The following CCDC12 variants were observed in gnomAD, a reference collection of about 807,000 sequenced individuals.
The protein encoded by CCDC12 is coiled-coil domain-containing protein 12.
A neutral mutation model predicts 25.7 loss-of-function variants in CCDC12; 28 were observed. The observed-to-expected ratio is 1.09, with a 90% confidence interval of 0.81 to 1.50. The LOEUF (loss-of-function observed/expected upper bound fraction) is 1.50, where lower values mean the gene tolerates loss of function less well. Ranked by LOEUF, CCDC12 falls within the 40% of genes most tolerant of loss-of-function variation. The probability of loss-of-function intolerance (pLI) is 0.00; values close to 1 mark genes in which losing one functional copy is unlikely to be tolerated. For synonymous variants in CCDC12, 75 were observed against 87.7 expected, an observed-to-expected ratio of 0.86 and a Z score of 0.81; for missense variants, 198 against 210.0, an observed-to-expected ratio of 0.94 and a Z score of 0.35.
intron 1 of CCDC12, among the ~76,000 whole-genome samples, chr3:46,953,147 A>G (rs1054495391): frequency 2.0e-5 from 3 of 152,100 alleles, no homozygotes; most frequent in South Asian, 4.2e-4. Flanking sequence ...AAGACATCAC[A>G]AGGAAATAAA....
intron 1 of CCDC12, 169 bp downstream of exon 1, chr3:46,976,468 C>A: frequency 2.8e-6 from 4 of 1,427,616 alleles, no homozygotes; most frequent in South Asian, 1.5e-5. Flanking sequence ...CCACGCCAAG[C>A]AGCCCCAGAC....
intron 1 of CCDC12, among the ~76,000 whole-genome samples, chr3:46,949,502 C>T (rs1265006483): frequency 1.3e-5 from 2 of 152,208 alleles, no homozygotes; most frequent in East Asian, 3.8e-4. Context: ...CCTCCAGGGT[C>T]CTCCCTGTAG....
At chr3:46,959,680 A>G (rs930970008) in intron 1 of CCDC12, among the ~76,000 whole-genome samples, 4 of 152,206 alleles carry the variant, frequency 2.6e-5, no homozygotes, top group African/African-American at 9.6e-5. Flanking sequence ...AATCCAAGTC[A>G]GAAAACGCTA....
chr3:46,929,437 G>A (rs1338650043), intron 2 of CCDC12, among the ~76,000 whole-genome samples: 1 of 152,194 alleles, frequency 6.6e-6, no homozygotes, highest in African/African-American at 2.4e-5. Flanking sequence ...CACAGCTCTT[G>A]GAGACTGGGC....
At chr3:46,953,648 GAAAAAAA>G (rs527618724) in intron 1 of CCDC12, among the ~76,000 whole-genome samples, 6 of 105,380 alleles carry the variant, frequency 5.7e-5, no homozygotes, top group Non-Finnish European at 1.0e-4. Context: ...CTCAAGCTTG[GAAAAAAA>G]AAAAAAAAAA....
Position 46,941,065 on chromosome 3 carries a change from C to A in CCDC12, c.97G>T (p.Asp33Tyr), listed in dbSNP as rs778543688. ...GTCTTTGGCTCCCCATCTTCCTTGT[C>A]CTGCAAAGAAAGGGAGAAAACCACC... is the stretch of plus-strand genomic sequence containing the variant. ...KALREKTGRK[D>Y]KEDGEPKTKH... Residue 33 changes from aspartate to tyrosine, a missense_variant and splice_region_variant, in exon 2 of 7, where the codon GAC (aspartate) becomes TAC (tyrosine). By Grantham distance (160) the Asp-to-Tyr change is radical. Coordinates refer to ENST00000683445, the MANE Select transcript of CCDC12 (RefSeq NM_001277074.2). The A allele has an allele frequency of 6.2e-7, 1 of 1,614,158 alleles. No individual in the cohort carries two copies. The highest frequency in any genetic ancestry group is 8.5e-7 in the Non-Finnish European group (1 of 1,180,006).
intron 2 of CCDC12, among the ~76,000 whole-genome samples, chr3:46,929,673 GA>G (rs537105335): frequency 6.8e-4 from 104 of 152,250 alleles, no homozygotes; most frequent in African/African-American, 2.4e-3. Flanking sequence ...TAAAAGAAAA[GA>G]AATAAAAACA....
chr3:46,972,759 ACTC>A (rs1261803799), intron 1 of CCDC12, among the ~76,000 whole-genome samples: 1 of 137,750 alleles, frequency 7.3e-6, no homozygotes, highest in Admixed American at 7.8e-5. Flanking sequence ...ACACAGTGAG[ACTC>A]CTGACTCCTT....
upstream of CCDC12, chr3:46,980,027 C>G (rs1466108949): frequency 5.6e-4 from 1 of 1,772 alleles, no homozygotes; most frequent in African/African-American, 6.1e-4. Flanking sequence ...GCCGCGCGCG[C>G]GGGCGCGCGC....
intron 1 of CCDC12, 139 bp downstream of exon 1, chr3:46,976,498 T>G: frequency 1.4e-6 from 2 of 1,438,040 alleles, no homozygotes; most frequent in Non-Finnish European, 1.8e-6. Flanking sequence ...GGGCGCCGTC[T>G]TCTCGCGCAT....
rs550709296 is a variant in CCDC12 at position 46,950,235 on chromosome 3, C to T, written c.97-9170G>A. Among the ~76,000 whole-genome samples the T allele has an allele frequency of 5.3e-5, 8 of 152,186 alleles. No homozygotes were observed. In the South Asian group the frequency reaches 1.7e-3, roughly 32 times the overall value. On this transcript the variant is annotated intron_variant, in intron 1 of 6. Coordinates refer to ENST00000683445, the MANE Select transcript of CCDC12 (RefSeq NM_001277074.2). ...CTTAACAAGAACCCAGGACCCAGCA[C>T]CCAGGGCCCAGATCCATGCTGGGAA...
Position 46,921,848 on chromosome 3 carries a change from T to C in CCDC12, c.*209A>G. On this transcript the variant is annotated 3_prime_UTR_variant, in exon 7 of 7. Coordinates refer to ENST00000683445, the MANE Select transcript of CCDC12 (RefSeq NM_001277074.2). ...TGTGCAGACACAGGCACGCCCAGAG[T>C]TGTTGCTGGTTCTGCCTCCATTCAG... The C allele has an allele frequency of 1.7e-6, 1 of 597,546 alleles. No individual in the cohort carries two copies. Among genetic ancestry groups the C allele is most frequent in the Non-Finnish European group, 3.0e-6 (1 of 335,352 alleles). 37.0% of individuals were successfully genotyped at this position (597,546 alleles called of 1,614,324 possible).
At position 46,922,083 on chromosome 3, in the gene CCDC12, C is replaced by T. The variant is rs370507299; in HGVS notation, c.475G>A (p.Glu159Lys). The change falls in exon 7 of 7, where the codon GAA (glutamate) becomes AAA (lysine). Residue 159 changes from glutamate (E) to lysine (K), a missense_variant. Coordinates refer to ENST00000683445, the MANE Select transcript of CCDC12 (RefSeq NM_001277074.2). ...SLASAVDAAT[E>K]QKTCDSD The stretch of plus-strand genomic sequence containing the variant: ...CAGTCGGAGTCACAGGTCTTTTGTT[C>T]GGTGGCAGCATCCACTGCAGAGGCT... The T allele has an allele frequency of 1.5e-5, 24 of 1,614,164 alleles. No individual in the cohort carries two copies. Among genetic ancestry groups the T allele is most frequent in the Non-Finnish European group, 1.8e-5 (21 of 1,180,038 alleles).
intron 3 of CCDC12, 174 bp downstream of exon 3, chr3:46,925,282 C>T: frequency 1.4e-6 from 1 of 714,742 alleles, no homozygotes. Context: ...ACAGCCTCTG[C>T]TGCTGCCGAA....
At chr3:46,945,490 G>T (rs987747229) in intron 1 of CCDC12, among the ~76,000 whole-genome samples, 1 of 152,194 alleles carries the variant, frequency 6.6e-6, no homozygotes, top group African/African-American at 2.4e-5. Context: ...GATTTCAGGG[G>T]GTCTCAAATA....
chr3:46,941,358 C>T (rs1245231420), intron 1 of CCDC12, among the ~76,000 whole-genome samples: 1 of 152,112 alleles, frequency 6.6e-6, no homozygotes, highest in African/African-American at 2.4e-5. Context: ...GTCAGGAGAT[C>T]GCAACCATCC....
chr3:46,970,284 AT>A (rs35814822), intron 1 of CCDC12, among the ~76,000 whole-genome samples: 5 of 150,586 alleles, frequency 3.3e-5, no homozygotes, highest in African/African-American at 1.2e-4. Context: ...ATTTTTTGTG[AT>A]TTTTTTTTTA....
At chr3:46,939,215 T>G (rs775912958) in intron 2 of CCDC12, among the ~76,000 whole-genome samples, 22 of 152,242 alleles carry the variant, frequency 1.4e-4, no homozygotes, top group Non-Finnish European at 2.5e-4. Context: ...CTGCCCTGTA[T>G]GCCTCAATTC....
In CCDC12 at chr3:46,976,722, G is replaced by C; in HGVS notation, c.11C>G (p.Thr4Ser). ...CTCTAGCCGGCCCACACCAGCCGTA[G>C]TTGCCTCCATCTTGCCCGCGTACGC... MEA[T>S]TAGVGRLEEE... is the part of the protein sequence containing the mutation. Residue 4 changes from threonine (T) to serine (S), a missense_variant, in exon 1 of 7, where the codon ACT becomes AGT. By Grantham distance (58) the Thr-to-Ser change is moderately conservative. Coordinates refer to ENST00000683445, the MANE Select transcript of CCDC12 (RefSeq NM_001277074.2). 1 of 1,608,658 alleles carries C rather than the reference G, an allele frequency of 6.2e-7. No homozygotes were observed. Among genetic ancestry groups the C allele is most frequent in the East Asian group, 2.2e-5 (1 of 44,530 alleles).
Sources: allele counts gnomAD v4.1 joint callset (sites outside exome capture counted in the v4.1 genomes callset), GRCh38; gene constraint gnomAD v4.1.1; transcripts MANE v1.5; gene names NCBI Gene and HGNC (gene_info 2026-07-23, HGNC 2026-07-21).